Variants in EYS observed in about 807,000 individuals in gnomAD.
The protein encoded by EYS is protein eyes shut homolog.
EYS carries 250 observed loss-of-function variants against 282.1 expected under a neutral mutation model. That is an observed-to-expected ratio of 0.89 (90% CI 0.80 to 0.98). EYS has a LOEUF of 0.98. Among genes scored for constraint, EYS ranks in the 50% least tolerant of loss-of-function variants. The pLI, the probability that EYS is intolerant of heterozygous loss-of-function variation, is 0.00. For missense variants in EYS, 4,016 were observed against 3,709.0 expected (o/e 1.08, Z -2.15); for synonymous variants, 1,355 against 1,282.9 (o/e 1.06, Z -1.20).
At chr6:64,133,842 C>CTTT (rs377218629) in intron 31 of EYS, among the ~76,000 whole-genome samples, 1 of 146,802 alleles carries the variant, frequency 6.8e-6, no homozygotes, top group African/African-American at 2.5e-5. Context: ...CCATATCTTT[C>CTTT]TTTTTTTTTT....
chr6:64,435,706 T>A (rs1488593083), intron 28 of EYS, among the ~76,000 whole-genome samples: 2 of 151,708 alleles, frequency 1.3e-5, no homozygotes, highest in Admixed American at 6.6e-5. Context: ...TTATTTCAGA[T>A]GTTCATGAGC....
At chr6:65,231,225 T>A (rs559318307) in intron 12 of EYS, among the ~76,000 whole-genome samples, 1 of 147,742 alleles carries the variant, frequency 6.8e-6, no homozygotes, top group African/African-American at 2.5e-5. Flanking sequence ...CATATATATC[T>A]GAATTTCTGT....
intron 12 of EYS, among the ~76,000 whole-genome samples, chr6:65,083,195 G>A (rs998147165): frequency 7.9e-5 from 12 of 151,944 alleles, no homozygotes; most frequent in Admixed American, 2.0e-4. Context: ...TTAGACTCAC[G>A]AACCTTTAAA....
chr6:64,769,805 C>A (rs1773469305), intron 22 of EYS, among the ~76,000 whole-genome samples: 1 of 151,768 alleles, frequency 6.6e-6, no homozygotes, highest in Non-Finnish European at 1.5e-5. Context: ...AAAGGACCAG[C>A]ATTGGTGGAG....
At chr6:65,185,606 C>T (rs1341956197) in intron 12 of EYS, among the ~76,000 whole-genome samples, 1 of 151,728 alleles carries the variant, frequency 6.6e-6, no homozygotes, top group African/African-American at 2.4e-5. Context: ...GTGTAACCTA[C>T]CTTACTTTAA....
intron 29 of EYS, among the ~76,000 whole-genome samples, chr6:64,367,349 A>G (rs1172113424): frequency 6.6e-6 from 1 of 152,078 alleles, no homozygotes; most frequent in Non-Finnish European, 1.5e-5. Flanking sequence ...CCACTTATCT[A>G]ATAGCAAGGA....
chr6:65,423,898 T>A (rs1319223823), intron 5 of EYS, among the ~76,000 whole-genome samples: 1 of 152,062 alleles, frequency 6.6e-6, no homozygotes, highest in Non-Finnish European at 1.5e-5. Context: ...GAGTGTTTAT[T>A]TAATTATATT....
At chr6:63,977,385 C>T (rs1490935845) in intron 35 of EYS, among the ~76,000 whole-genome samples, 1 of 129,852 alleles carries the variant, frequency 7.7e-6, no homozygotes, top group Non-Finnish European at 1.7e-5. Context: ...ATATATTTAC[C>T]CATTGTGCTA....
At chr6:65,104,952 T>G (rs1465191295) in intron 12 of EYS, among the ~76,000 whole-genome samples, 2 of 151,600 alleles carry the variant, frequency 1.3e-5, no homozygotes, top group African/African-American at 2.4e-5. Flanking sequence ...ACTGAGATGT[T>G]CTAAAAAGAA....
chr6:63,818,959 A>G (rs183330688), intron 36 of EYS, among the ~76,000 whole-genome samples: 1 of 152,222 alleles, frequency 6.6e-6, no homozygotes, highest in Admixed American at 6.5e-5. Flanking sequence ...TCTTATAAAA[A>G]CACCTTGATC....
intron 41 of EYS, among the ~76,000 whole-genome samples, chr6:63,737,405 T>A (rs796250563): frequency 5.2e-3 from 718 of 137,186 alleles, no homozygotes; most frequent in Middle Eastern, 0.011. Context: ...GATTTGCATA[T>A]ATTGAACCAG....
intron 31 of EYS, among the ~76,000 whole-genome samples, chr6:64,135,072 TCA>T (rs535964192): frequency 1.1e-3 from 174 of 152,204 alleles, no homozygotes; most frequent in African/African-American, 4.1e-3. Context: ...GGGATATACC[TCA>T]GTCTTTAGAC....
chr6:64,549,700 A>G (rs1207403485), intron 26 of EYS, among the ~76,000 whole-genome samples: 1 of 150,806 alleles, frequency 6.6e-6, no homozygotes, highest in African/African-American at 2.4e-5. Flanking sequence ...TATCCAATAT[A>G]CACTCCTTAC....
At chr6:63,934,131 CA>C (rs754562328) in intron 35 of EYS, among the ~76,000 whole-genome samples, 25 of 152,200 alleles carry the variant, frequency 1.6e-4, no homozygotes, top group Non-Finnish European at 2.8e-4. Context: ...CTTATGCAGC[CA>C]AAAGACACAT....
intron 32 of EYS, among the ~76,000 whole-genome samples, chr6:64,069,521 A>G (rs1045492034): frequency 6.6e-6 from 1 of 152,010 alleles, no homozygotes; most frequent in Non-Finnish European, 1.5e-5. Flanking sequence ...TTTGTACTCA[A>G]GCAATAGAAA....
chr6:64,347,888 A>G (rs1561943949), intron 29 of EYS, among the ~76,000 whole-genome samples: 1 of 151,368 alleles, frequency 6.6e-6, no homozygotes, highest in Admixed American at 6.6e-5. Context: ...ACACAAAAAA[A>G]TTCACCTTAT....
chr6:65,683,550 TAAC>T (rs1382684497), intron 1 of EYS, among the ~76,000 whole-genome samples: 5 of 152,056 alleles, frequency 3.3e-5, no homozygotes, highest in Admixed American at 2.0e-4. Flanking sequence ...TCTTTCAAAA[TAAC>T]AACACTACTT....
At chr6:63,858,943 G>A (rs558075586) in intron 36 of EYS, among the ~76,000 whole-genome samples, 66 of 152,080 alleles carry the variant, frequency 4.3e-4, no homozygotes, top group African/African-American at 1.3e-3. Flanking sequence ...GTGATTATTC[G>A]TGTCCCTGGA....
At chr6:65,362,562 C>T (rs1003918883) in intron 8 of EYS, among the ~76,000 whole-genome samples, 1 of 151,588 alleles carries the variant, frequency 6.6e-6, no homozygotes, top group African/African-American at 2.4e-5. Flanking sequence ...ATACACATTA[C>T]ACATTATTAT....
Sources: allele counts gnomAD v4.1 joint callset (sites outside exome capture counted in the v4.1 genomes callset), GRCh38; gene constraint gnomAD v4.1.1; transcripts MANE v1.5; gene names NCBI Gene and HGNC (gene_info 2026-07-23, HGNC 2026-07-21).